Variants in SLC25A24 observed in about 807,000 individuals in gnomAD.
SLC25A24 encodes the protein mitochondrial adenyl nucleotide antiporter SLC25A24.
In SLC25A24, 49 loss-of-function variants were observed where a neutral mutation model predicts 60.7. The observed-to-expected ratio is 0.81, with a 90% CI of 0.64 to 1.02. SLC25A24 has a LOEUF of 1.02. Among genes scored for constraint, SLC25A24 ranks in the 50% least tolerant of loss-of-function variants. The pLI is 0.00. For missense variants in SLC25A24, 564 were observed against 586.3 expected (o/e 0.96, Z 0.39); for synonymous variants, 202 against 200.6 (o/e 1.01, Z -0.06).
Position 108,136,731 on chromosome 1 carries a change from C to T in SLC25A24, c.1356G>A (p.Met452Ile). 1.9e-6 allele frequency: 3 copies of T among 1,614,146 alleles called. No homozygotes were observed. Among genetic ancestry groups the T allele is most frequent in the Non-Finnish European group, 2.5e-6 (3 of 1,179,976 alleles). The change falls in exon 10 of 10, where the codon ATG (methionine) becomes ATA (isoleucine). Residue 452 changes from methionine (M) to isoleucine (I), a missense_variant. Transcript: ENST00000565488. The part of the protein sequence containing the change: ...GLYRGITPNF[M>I]KVLPAVGISY... ...TGATGCCTACAGCAGGGAGCACCTT[C>T]ATGAAGTTTGGGGTGATGCCTCTGT... is the stretch of plus-strand genomic sequence containing the variant.
In SLC25A24 at chr1:108,160,524, C is replaced by T. The variant is rs1001202256; in HGVS notation, c.510+658G>A. On this transcript the variant is annotated intron_variant, in intron 4 of 9. Transcript: ENST00000565488. Reference sequence around the variant, plus strand: ...CAGACGATGGGCGGCCAGGCAGAGACGCTCCTCACTTCCCAGACGGGGTGG... The same window carrying T: ...CAGACGATGGGCGGCCAGGCAGAGATGCTCCTCACTTCCCAGACGGGGTGG... Among the ~76,000 whole-genome samples the T allele has an allele frequency of 1.8e-4, 28 of 152,116 alleles. 1 individual carries two copies. The highest frequency in any genetic ancestry group is 1.8e-3 in the East Asian group (9 of 5,140).
intron 6 of SLC25A24, among the ~76,000 whole-genome samples, chr1:108,152,616 G>A (rs1199673379): frequency 6.6e-6 from 1 of 152,188 alleles, no homozygotes; most frequent in African/African-American, 2.4e-5. Flanking sequence ...TAAAGTGCTG[G>A]GATTAGAGGC....
At chr1:108,136,996 T>C (rs560573928) in intron 9 of SLC25A24, among the ~76,000 whole-genome samples, 159 bp from the exon 10 acceptor site, 1 of 152,352 alleles carries the variant, frequency 6.6e-6, no homozygotes, top group South Asian at 2.1e-4. Context: ...CCTCTTTGTA[T>C]AGCACCTAAC....
At chr1:108,164,681 CT>C (rs1384640096) in intron 3 of SLC25A24, among the ~76,000 whole-genome samples, 23 of 150,052 alleles carry the variant, frequency 1.5e-4, no homozygotes, top group African/African-American at 5.7e-4. Flanking sequence ...ATTCTTCTCT[CT>C]TTTTTTCTTT....
At chr1:108,181,108 A>C (rs1256724610) in intron 3 of SLC25A24, among the ~76,000 whole-genome samples, 2 of 152,228 alleles carry the variant, frequency 1.3e-5, no homozygotes, top group African/African-American at 2.4e-5. Flanking sequence ...TTACGTGCTC[A>C]GCCTTGAGAC....
intron 3 of SLC25A24, among the ~76,000 whole-genome samples, chr1:108,180,432 C>T (rs1161841332): frequency 1.3e-5 from 2 of 152,032 alleles, no homozygotes; most frequent in African/African-American, 2.4e-5. Flanking sequence ...AAATATCCAA[C>T]CCTCTGCATT....
intron 6 of SLC25A24, among the ~76,000 whole-genome samples, chr1:108,150,400 G>A (rs1238356266): frequency 6.6e-6 from 1 of 152,156 alleles, no homozygotes; most frequent in African/African-American, 2.4e-5. Flanking sequence ...AACTTGCCAA[G>A]GCTACAGAAC....
rs1416106383 is a variant in SLC25A24 at position 108,134,871 on chromosome 1, A to G, written c.*1782T>C. On this transcript the variant is annotated 3_prime_UTR_variant, in exon 10 of 10. Coordinates refer to ENST00000565488, the MANE Select transcript of SLC25A24 (RefSeq NM_013386.5). Reference sequence around the variant, plus strand: ...TGATAGAAACTGTAAGTAAATATTCAGTACTACCAGAAATATACTATCTTC... The same window carrying G: ...TGATAGAAACTGTAAGTAAATATTCGGTACTACCAGAAATATACTATCTTC... 3 of 152,184 alleles carry G rather than the reference A, an allele frequency of 2.0e-5. No individual in the cohort carries two copies. The allele number at this position is 152,184 out of a possible 1,614,324, so 9.4% of individuals were successfully genotyped here.
rs931937320 is a variant in SLC25A24 at position 108,134,352 on chromosome 1, T to C, written c.*2301A>G. 1.1e-4 allele frequency: 17 copies of C among 152,218 alleles called. No homozygotes were observed. Among genetic ancestry groups the C allele is most frequent in the African/African-American group, 4.1e-4 (17 of 41,452 alleles). 9.4% of individuals were successfully genotyped at this position (152,218 alleles called of 1,614,324 possible). ...TGCAGAATTTCTCTGCAGTCTTATGTTTTAATTTTTAAATCAAATTTTGGA... is the reference window on the plus strand; with the variant it reads ...TGCAGAATTTCTCTGCAGTCTTATGCTTTAATTTTTAAATCAAATTTTGGA... On this transcript the variant is annotated 3_prime_UTR_variant, in exon 10 of 10. Transcript: ENST00000565488.
At chr1:108,179,616 T>C (rs1326100741) in intron 3 of SLC25A24, among the ~76,000 whole-genome samples, 1 of 152,120 alleles carries the variant, frequency 6.6e-6, no homozygotes, top group Non-Finnish European at 1.5e-5. Flanking sequence ...TGTAACAATA[T>C]GAATGAAATA....
intron 3 of SLC25A24, among the ~76,000 whole-genome samples, chr1:108,168,923 A>G (rs918349564): frequency 3.3e-5 from 5 of 152,046 alleles, no homozygotes; most frequent in African/African-American, 1.2e-4. Flanking sequence ...TCTTCCCTAC[A>G]CTGAGATAAA....
At chr1:108,137,818 G>T (rs1679329938) in intron 9 of SLC25A24, among the ~76,000 whole-genome samples, 1 of 152,180 alleles carries the variant, frequency 6.6e-6, no homozygotes, top group Non-Finnish European at 1.5e-5. Context: ...GAAAAATGGG[G>T]ATAATGTTAG....
intron 7 of SLC25A24, among the ~76,000 whole-genome samples, chr1:108,147,119 A>T (rs1679624755): frequency 6.6e-6 from 1 of 152,168 alleles, no homozygotes; most frequent in Non-Finnish European, 1.5e-5. Context: ...ACAGGGATTC[A>T]GCTTCTTCCT....
Position 108,171,750 on chromosome 1 carries a change from T to C in SLC25A24, c.398+10191A>G, listed in dbSNP as rs145061897. 3.0e-3 allele frequency among the ~76,000 whole-genome samples: 462 copies of C among 152,318 alleles called. 6 individuals carry two copies. The highest frequency in any genetic ancestry group is 2.9e-3 in the Non-Finnish European group (195 of 68,020). ...GCAATACTCAATATTCATTGAGCAT[T>C]TGCCAGGCATTGTTCTAAGTATTTC... On this transcript the variant is annotated intron_variant, in intron 3 of 9. Transcript: ENST00000565488.
chr1:108,155,125 G>C lies in SLC25A24; in HGVS notation c.680C>G (p.Ser227Ter), dbSNP rs1679860896. 1 of 1,605,986 alleles carries C rather than the reference G, an allele frequency of 6.2e-7. No homozygotes were observed. Among genetic ancestry groups the C allele is most frequent in the Admixed American group, 1.7e-5 (1 of 58,540 alleles). ...AAATATGTTCATTTTGTCTGATTTT[G>C]AACCGTGAACCTAAAAATAAAAGCA... is the stretch of plus-strand genomic sequence containing the variant. ...RLKIMMQVHG[S>*]KSDKMNIFGG... The change falls in exon 6 of 10, where the codon TCA becomes TGA. Residue 227 changes from serine to a stop codon, truncating the protein, a stop_gained. Transcript: ENST00000565488. LOFTEE classifies it high-confidence loss of function.
chr1:108,176,287 A>G (rs1335508080), intron 3 of SLC25A24, among the ~76,000 whole-genome samples: 1 of 152,188 alleles, frequency 6.6e-6, no homozygotes, highest in African/African-American at 2.4e-5. Context: ...AAGAAGAAAG[A>G]AACTATGAAC....
intron 1 of SLC25A24, among the ~76,000 whole-genome samples, chr1:108,191,661 T>C (rs987726644): frequency 7.2e-6 from 1 of 139,378 alleles, no homozygotes; most frequent in African/African-American, 2.5e-5. Context: ...AAAGTTCACA[T>C]GGCTAATAGA....
At chr1:108,178,616 C>T (rs1286305272) in intron 3 of SLC25A24, among the ~76,000 whole-genome samples, 1 of 152,096 alleles carries the variant, frequency 6.6e-6, no homozygotes, top group Non-Finnish European at 1.5e-5. Context: ...AGATCAAGAC[C>T]ATCCTGGCTA....
At chr1:108,148,204 G>A (rs1007640696) in intron 7 of SLC25A24, 75 bp downstream of exon 7, 1 of 886,652 alleles carries the variant, frequency 1.1e-6, no homozygotes. Flanking sequence ...TGTTAATTTT[G>A]GGATAACTTG....
Sources: allele counts gnomAD v4.1 joint callset (sites outside exome capture counted in the v4.1 genomes callset), GRCh38; gene constraint gnomAD v4.1.1; transcripts MANE v1.5; gene names NCBI Gene and HGNC (gene_info 2026-07-23, HGNC 2026-07-21).